The following LDLRAD4 variants were observed in gnomAD, a reference collection of about 807,000 sequenced individuals.
LDLRAD4 encodes low density lipoprotein receptor class A domain containing 4, also known as low-density lipoprotein receptor class A domain-containing protein 4.
LDLRAD4 carries 5 observed loss-of-function variants against 17.0 expected under a neutral mutation model. That is an observed-to-expected ratio of 0.29 (90% CI 0.15 to 0.62). The LOEUF (loss-of-function observed/expected upper bound fraction) is 0.62, where lower values mean the gene tolerates loss of function less well. LDLRAD4 is among the 20% of genes least tolerant of loss of function. LDLRAD4 has a pLI of 0.84. For missense variants in LDLRAD4, 340 were observed against 424.7 expected (o/e 0.80, Z 1.75); for synonymous variants, 168 against 171.8 (o/e 0.98, Z 0.17).
intron 5 of LDLRAD4, chr18:13,644,851 C>T (rs1310691773): frequency 2.3e-6 from 1 of 438,056 alleles, no homozygotes; most frequent in Non-Finnish European, 4.0e-6. Context: ...CACAGAAACT[C>T]CCAGGAGCCC....
At chr18:13,387,478 G>A (rs921010140) in exon 2 of LDLRAD4, 5 of 443,454 alleles carry the variant, frequency 1.1e-5, no homozygotes, top group African/African-American at 2.2e-5. Flanking sequence ...CTCCACCCGC[G>A]CCATGGCCTC....
chr18:13,330,048 C>T (rs191488005), intron 1 of LDLRAD4, among the ~76,000 whole-genome samples: 99 of 151,996 alleles, frequency 6.5e-4, no homozygotes, highest in African/African-American at 2.2e-3. Context: ...CTCTGCCTCT[C>T]GGGTTCACGC....
intron 1 of LDLRAD4, among the ~76,000 whole-genome samples, chr18:13,348,178 C>T (rs2082813125): frequency 6.6e-6 from 1 of 152,152 alleles, no homozygotes; most frequent in African/African-American, 2.4e-5. Flanking sequence ...TTTTTCTGCT[C>T]TGTTTTTTCC....
chr18:13,486,068 A>G (rs1326550468), intron 3 of LDLRAD4, among the ~76,000 whole-genome samples: 1 of 152,170 alleles, frequency 6.6e-6, no homozygotes, highest in East Asian at 1.9e-4. Flanking sequence ...GGTTACTGAT[A>G]ATTGCTCATG....
chr18:13,602,728 G>A (rs1225004385), intron 3 of LDLRAD4, among the ~76,000 whole-genome samples: 5 of 151,902 alleles, frequency 3.3e-5, no homozygotes, highest in African/African-American at 1.2e-4. Flanking sequence ...GATTACAGGT[G>A]TGAGCCACTG....
intron 3 of LDLRAD4, among the ~76,000 whole-genome samples, chr18:13,449,177 G>A (rs753858570): frequency 5.9e-5 from 9 of 152,252 alleles, no homozygotes; most frequent in Admixed American, 2.0e-4. Flanking sequence ...AGTGAGCAGC[G>A]AGTGAGTCTG....
At chr18:13,446,459 G>A (rs1348557329) in intron 3 of LDLRAD4, among the ~76,000 whole-genome samples, 5 of 152,184 alleles carry the variant, frequency 3.3e-5, no homozygotes, top group East Asian at 3.8e-4. Context: ...CATAGTTGAC[G>A]ATTTTTGGTT....
At chr18:13,396,005 C>T (rs946673923) in intron 2 of LDLRAD4, among the ~76,000 whole-genome samples, 1 of 152,090 alleles carries the variant, frequency 6.6e-6, no homozygotes, top group African/African-American at 2.4e-5. Context: ...AAGTCAAGTC[C>T]CGGGTCTCTG....
chr18:13,349,430 T>C (rs1396685625), intron 1 of LDLRAD4, among the ~76,000 whole-genome samples: 4 of 152,200 alleles, frequency 2.6e-5, no homozygotes, highest in Non-Finnish European at 4.4e-5. Flanking sequence ...AAAATTACAA[T>C]AACCCTGGTT....
chr18:13,649,624 T>C (rs2043161299), exon 6 of LDLRAD4: 2 of 153,914 alleles, frequency 1.3e-5, no homozygotes, highest in Admixed American at 1.3e-4. Context: ...CATGACTGGA[T>C]GCGCCCCCAT....
chr18:13,311,286 T>A (rs1002640357), intron 1 of LDLRAD4, among the ~76,000 whole-genome samples: 40 of 152,024 alleles, frequency 2.6e-4, no homozygotes, highest in African/African-American at 8.5e-4. Flanking sequence ...TTGTCAGGGG[T>A]GGATGGTGGG....
Position 13,645,258 on chromosome 18 carries a change from G to A in LDLRAD4, c.522G>A (p.Leu174=). The A allele has an allele frequency of 1.9e-6, 3 of 1,614,116 alleles. No individual in the cohort carries two copies. The highest frequency in any genetic ancestry group is 1.7e-6 in the Non-Finnish European group (2 of 1,180,014). The stretch of plus-strand genomic sequence containing the variant: ...TTGATCTTCCTCCCACCATCTCCCT[G>A]TCCGACGGTGAAGAGCCACCTCCTT... Residue 174 remains leucine, a synonymous_variant, in exon 6 of 6, where the codon CTG becomes CTA. Coordinates refer to ENST00000359446, the Ensembl canonical transcript of LDLRAD4. This position sits in a 1 kb window ranked among gnomAD's most constrained non-coding sequence, Gnocchi z 5.7.
intron 1 of LDLRAD4, among the ~76,000 whole-genome samples, chr18:13,293,153 A>C (rs1298088587): frequency 6.6e-6 from 1 of 152,214 alleles, no homozygotes; most frequent in Non-Finnish European, 1.5e-5. Flanking sequence ...GAAGCACTGA[A>C]ATGTGTAATT....
intron 1 of LDLRAD4, among the ~76,000 whole-genome samples, chr18:13,262,403 TGC>T (rs1567944756): frequency 1.4e-5 from 2 of 138,688 alleles, no homozygotes; most frequent in South Asian, 2.4e-4. Flanking sequence ...TGTGGCTCTG[TGC>T]GTGGGGGCTG....
chr18:13,552,516 A>G (rs1471629624), intron 3 of LDLRAD4, among the ~76,000 whole-genome samples: 1 of 152,182 alleles, frequency 6.6e-6, no homozygotes, highest in African/African-American at 2.4e-5. Context: ...GCTTCTGCCC[A>G]GCCAGTCACG....
At chr18:13,301,623 C>T (rs545922817) in intron 1 of LDLRAD4, among the ~76,000 whole-genome samples, 4 of 152,296 alleles carry the variant, frequency 2.6e-5, no homozygotes, top group African/African-American at 4.8e-5. Flanking sequence ...TGGCACAAAA[C>T]GACCACGTTT....
chr18:13,276,314 C>G (rs2044864351), upstream of LDLRAD4, among the ~76,000 whole-genome samples: 1 of 152,198 alleles, frequency 6.6e-6, no homozygotes, highest in Non-Finnish European at 1.5e-5. Flanking sequence ...GGCCTAATTA[C>G]TAAGTTACAT....
chr18:13,270,939 C>T (rs574389015), intron 1 of LDLRAD4, among the ~76,000 whole-genome samples: 36 of 152,288 alleles, frequency 2.4e-4, no homozygotes, highest in African/African-American at 8.7e-4. Flanking sequence ...TGGATATTAT[C>T]TGTGTATATA....
chr18:13,360,584 G>A (rs1320584592), intron 1 of LDLRAD4, among the ~76,000 whole-genome samples: 1 of 152,262 alleles, frequency 6.6e-6, no homozygotes. Context: ...GTCTTGAAAA[G>A]AGCATAAGTA....
Sources: allele counts gnomAD v4.1 joint callset (sites outside exome capture counted in the v4.1 genomes callset), GRCh38; gene constraint gnomAD v4.1.1; non-coding constraint Gnocchi (gnomAD v3.1); transcripts MANE v1.5; gene names NCBI Gene and HGNC (gene_info 2026-07-23, HGNC 2026-07-21).